DOP1B: variants seen among roughly 807,000 people sequenced by gnomAD.
DOP1B encodes the protein DOP1 leucine zipper like protein B.
DOP1B carries 174 observed loss-of-function variants against 233.5 expected under a neutral mutation model. The observed-to-expected ratio is 0.75, with a 90% CI of 0.66 to 0.85. The LOEUF is 0.85. DOP1B is among the 40% of genes least tolerant of loss of function. The probability of loss-of-function intolerance (pLI) is 0.00; values close to 1 mark genes in which losing one functional copy is unlikely to be tolerated. For missense variants in DOP1B, 2,652 were observed against 2,846.6 expected, an observed-to-expected ratio of 0.93 and a Z score of 1.56; for synonymous variants, 1,190 against 1,185.6, an observed-to-expected ratio of 1.00 and a Z score of -0.08.
chr21:36,253,688 A>T, intron 22 of DOP1B, 84 bp from the exon 23 acceptor site: 1 of 1,413,814 alleles, frequency 7.1e-7, no homozygotes, highest in Non-Finnish European at 9.6e-7. Context: ...AGGGACGACT[A>T]CTGTAGAATA....
At chr21:36,216,754 C>CT (rs1363713176) in intron 9 of DOP1B, among the ~76,000 whole-genome samples, 1 of 152,120 alleles carries the variant, frequency 6.6e-6, no homozygotes, top group African/African-American at 2.4e-5. Flanking sequence ...GTGTACCTAC[C>CT]TCCTGGTAGC....
intron 4 of DOP1B, among the ~76,000 whole-genome samples, chr21:36,206,752 A>G (rs575359776): frequency 6.6e-6 from 1 of 152,284 alleles, no homozygotes; most frequent in South Asian, 2.1e-4. Context: ...AGTGTTTGTG[A>G]TGATTTCAGA....
intron 17 of DOP1B, 73 bp downstream of exon 17, chr21:36,238,774 G>C: frequency 7.0e-7 from 1 of 1,427,928 alleles, no homozygotes; most frequent in African/African-American, 1.4e-5. Context: ...CCAACGTGTG[G>C]GGCTGGGGAG....
At position 36,245,868 on chromosome 21, in the gene DOP1B, A is replaced by G; in HGVS notation, c.3888A>G (p.Gly1296=). Residue 1296 remains glycine (G), a synonymous_variant, in exon 19 of 37, where the codon GGA becomes GGG. Coordinates refer to ENST00000691173, the MANE Select transcript of DOP1B (RefSeq NM_001320714.2). The surrounding 1 kb of genome is among the most constrained non-coding windows in gnomAD (Gnocchi z 5.5). ...QEALIGQSFY[G]KLQTQVPNVC... ...CCCTCATTGGCCAGAGTTTCTACGG[A>G]AAGCTCCAGACCCAGGTCCCCAACG... is the stretch of plus-strand genomic sequence containing the variant. The G allele has an allele frequency of 1.1e-5, 18 of 1,613,642 alleles. No individual in the cohort carries two copies. The highest frequency in any genetic ancestry group is 1.5e-5 in the Non-Finnish European group (18 of 1,179,972).
Position 36,246,578 on chromosome 21 carries a change from C to T in DOP1B, c.4598C>T (p.Ser1533Phe), listed in dbSNP as rs202119759. ...CATTCCTTGCCCTACTTCGGAAAGT[C>T]CCTGGGCTGGACGGTGACACCCTTT... is the stretch of plus-strand genomic sequence containing the variant. ...VTHSLPYFGK[S>F]LGWTVTPFVV... Residue 1533 changes from serine to phenylalanine, a missense_variant, in exon 19 of 37, where the codon TCC becomes TTC. Transcript: ENST00000691173. The surrounding 1 kb of genome is among the most constrained non-coding windows in gnomAD (Gnocchi z 5.1). The T allele has an allele frequency of 3.1e-5, 50 of 1,614,130 alleles. No homozygotes were observed. The East Asian group carries it at 6.7e-4, about 22-fold the overall frequency.
rs925711568 is a variant in DOP1B, at chr21:36,246,750, G to C, written c.4697+73G>C. On this transcript the variant is annotated intron_variant, in intron 19 of 36. Coordinates refer to ENST00000691173, the MANE Select transcript of DOP1B (RefSeq NM_001320714.2). The surrounding 1 kb of genome is among the most constrained non-coding windows in gnomAD (Gnocchi z 5.1). ...TATAACGAATGACTGTTTTGCCACG[G>C]ATGTGGATGTCGGTTGGAGGATAAT... 6 of 1,524,416 alleles carry C rather than the reference G, an allele frequency of 3.9e-6. No individual in the cohort carries two copies. Among genetic ancestry groups the C allele is most frequent in the Middle Eastern group, 1.8e-4 (1 of 5,706 alleles). The allele number at this position is 1,524,416 out of a possible 1,614,324, so 94.4% of individuals were successfully genotyped here.
chr21:36,276,703 T>C (rs932365792), intron 27 of DOP1B, among the ~76,000 whole-genome samples: 1 of 151,794 alleles, frequency 6.6e-6, no homozygotes, highest in African/African-American at 2.4e-5. Context: ...TAGCCAGGCA[T>C]GGTGGCACAT....
At chr21:36,223,826 TA>T (rs2066652555) in intron 11 of DOP1B, among the ~76,000 whole-genome samples, 1 of 152,178 alleles carries the variant, frequency 6.6e-6, no homozygotes, top group Non-Finnish European at 1.5e-5. Context: ...GCACCACCCC[TA>T]AATTGTTTGC....
chr21:36,261,569 C>G (rs2067171898), intron 24 of DOP1B: 1 of 985,172 alleles, frequency 1.0e-6, no homozygotes, highest in Admixed American at 6.2e-5. Context: ...TCATTCAGAT[C>G]TTACAATGGC....
intron 32 of DOP1B, among the ~76,000 whole-genome samples, chr21:36,283,936 CTTTTTTTT>C (rs547999186): frequency 5.9e-5 from 6 of 100,992 alleles, no homozygotes; most frequent in Non-Finnish European, 9.4e-5. Context: ...ACACCTGTTC[CTTTTTTTT>C]TTTTTTTTTT....
intron 12 of DOP1B, among the ~76,000 whole-genome samples, chr21:36,226,877 C>G (rs1001605087): frequency 5.3e-5 from 8 of 152,148 alleles, no homozygotes; most frequent in African/African-American, 1.9e-4. Flanking sequence ...GGATTATAGG[C>G]ATGAGCCACT....
chr21:36,231,754 T>A (rs2123550996), intron 14 of DOP1B, among the ~76,000 whole-genome samples: 1 of 149,484 alleles, frequency 6.7e-6, no homozygotes, highest in Middle Eastern at 3.5e-3. Context: ...CTCAGCTCAC[T>A]GCAACCTCCG....
intron 13 of DOP1B, among the ~76,000 whole-genome samples, chr21:36,229,133 G>A (rs2066727873): frequency 6.6e-6 from 1 of 152,162 alleles, no homozygotes; most frequent in Non-Finnish European, 1.5e-5. Context: ...GTGTGTTTGT[G>A]GCATGTGATT....
intron 2 of DOP1B, among the ~76,000 whole-genome samples, chr21:36,173,974 T>G (rs2065997615): frequency 6.6e-6 from 1 of 152,254 alleles, no homozygotes; most frequent in South Asian, 2.1e-4. Context: ...AGAGCAGCCA[T>G]GAACAGGAAG....
rs374823869 is a variant in DOP1B, at chr21:36,185,702, C to T, written c.139-13368C>T. 9.5e-4 allele frequency among the ~76,000 whole-genome samples: 144 copies of T among 152,238 alleles called. 1 individual carries two copies. The highest frequency in any genetic ancestry group is 3.3e-3 in the African/African-American group (136 of 41,544). ...AGAATAAAATATAAGTCTAGAAATG[C>T]GGAAGGTACTGTACAGCATCACAGC... On this transcript the variant is annotated intron_variant, in intron 2 of 36. Transcript: ENST00000691173.
At chr21:36,293,222 G>T in intron 36 of DOP1B, 98 bp from the exon 37 acceptor site, 1 of 1,312,746 alleles carries the variant, frequency 7.6e-7, no homozygotes, top group Non-Finnish European at 1.0e-6. Context: ...AAAAAAAAAG[G>T]ACCTTATTTC....
intron 31 of DOP1B, among the ~76,000 whole-genome samples, chr21:36,280,685 G>A (rs2067405137): frequency 6.6e-6 from 1 of 152,238 alleles, no homozygotes. Context: ...CCCTTCTCAT[G>A]CACTATCATT....
chr21:36,265,141 A>G (rs1319658311), intron 26 of DOP1B, among the ~76,000 whole-genome samples: 2 of 152,196 alleles, frequency 1.3e-5, no homozygotes, highest in African/African-American at 4.8e-5. Context: ...CACGCCTGCA[A>G]TCCCAGCACT....
At chr21:36,163,307 G>A (rs920231691) in intron 1 of DOP1B, among the ~76,000 whole-genome samples, 1 of 135,676 alleles carries the variant, frequency 7.4e-6, no homozygotes, top group Non-Finnish European at 1.5e-5. Flanking sequence ...TTGCGCCACC[G>A]CACTCCAGCT....
Sources: gnomAD v4.1 joint callset for allele counts (sites outside exome capture counted in the v4.1 genomes callset) on GRCh38, gnomAD v4.1.1 for gene constraint, Gnocchi (gnomAD v3.1) non-coding constraint, MANE v1.5 for transcripts, NCBI Gene and HGNC (gene_info 2026-07-23, HGNC 2026-07-21) for gene names.